Variants in PEX11A observed in about 807,000 individuals in gnomAD.
The protein encoded by PEX11A is peroxisomal membrane protein 11A.
PEX11A carries 13 observed loss-of-function variants against 14.4 expected under a neutral mutation model. That is an observed-to-expected ratio of 0.90 (90% CI 0.59 to 1.43). The LOEUF is 1.43. Ranked by LOEUF, PEX11A falls within the 40% of genes most tolerant of loss-of-function variation. The probability of loss-of-function intolerance (pLI) is 0.00; values close to 1 mark genes in which losing one functional copy is unlikely to be tolerated. For synonymous variants in PEX11A, 101 were observed against 113.0 expected (o/e 0.89, Z 0.67); for missense variants, 290 against 302.8 (o/e 0.96, Z 0.31).
rs138063810 is a variant in PEX11A, at chr15:89,688,423, C to T, written c.57-1877G>A. On this transcript the variant is annotated intron_variant, in intron 1 of 2. Coordinates refer to ENST00000300056, the MANE Select transcript of PEX11A (RefSeq NM_003847.3). The stretch of plus-strand genomic sequence containing the variant: ...ATTATTATTTTTCGAGACAGAGTCT[C>T]GCTCTGTTGCCCAGGCTGGAGGGTA... 6.7e-3 allele frequency among the ~76,000 whole-genome samples: 1,019 copies of T among 152,284 alleles called. 3 individuals carry two copies. Among genetic ancestry groups the T allele is most frequent in the Non-Finnish European group, 9.3e-3 (630 of 68,030 alleles).
rs1964780028 is a variant in PEX11A, at chr15:89,689,979, A to G, written c.56+598T>C. ...AACCCCCGTCTCTACTAAAAATACA[A>G]AAAGTAGCCGGGCGTGGTAGTGCAC... On this transcript the variant is annotated intron_variant, in intron 1 of 2. Transcript: ENST00000300056. Among the ~76,000 whole-genome samples the G allele has an allele frequency of 2.6e-5, 4 of 152,234 alleles. 1 individual carries two copies. The highest frequency in any genetic ancestry group is 2.0e-4 in the Admixed American group (3 of 15,286).
chr15:89,684,205 A>G (rs962138037), intron 2 of PEX11A, among the ~76,000 whole-genome samples: 5 of 152,174 alleles, frequency 3.3e-5, no homozygotes, highest in African/African-American at 7.2e-5. Context: ...CCAGCTTAGC[A>G]CTGGTCTTTT....
At chr15:89,684,590 C>G (rs1964650084) in intron 2 of PEX11A, among the ~76,000 whole-genome samples, 1 of 152,090 alleles carries the variant, frequency 6.6e-6, no homozygotes, top group Admixed American at 6.5e-5. Context: ...TGGTCCAAAC[C>G]CCTTTTGGCT....
Position 89,681,862 on chromosome 15 carries a change from C to T in PEX11A, c.*1515G>A. The stretch of plus-strand genomic sequence containing the variant: ...TCCTACCTGCTGGCATCCTATTTCT[C>T]TACCTCACCTCCCTCAAACTAAAGG... On this transcript the variant is annotated 3_prime_UTR_variant, in exon 3 of 3. Coordinates refer to ENST00000300056, the MANE Select transcript of PEX11A (RefSeq NM_003847.3). The T allele has an allele frequency of 4.0e-6, 1 of 248,484 alleles. No homozygotes were observed. Among genetic ancestry groups the T allele is most frequent in the Non-Finnish European group, 7.8e-6 (1 of 127,620 alleles). The allele number at this position is 248,484 out of a possible 1,614,324, so 15.4% of individuals were successfully genotyped here.
intron 1 of PEX11A, chr15:89,687,867 T>C (rs1414775792): frequency 1.2e-5 from 5 of 417,432 alleles, no homozygotes; most frequent in African/African-American, 1.0e-4. Context: ...TACTTTTATT[T>C]ATTTATTTTT....
intron 1 of PEX11A, among the ~76,000 whole-genome samples, chr15:89,687,081 G>A (rs778859261): frequency 2.9e-4 from 44 of 151,978 alleles, no homozygotes; most frequent in Admixed American, 5.2e-4. Context: ...GTGCCACCAC[G>A]CCCAGCTAAT....
At chr15:89,689,765 C>G (rs1964770137) in intron 1 of PEX11A, among the ~76,000 whole-genome samples, 1 of 152,152 alleles carries the variant, frequency 6.6e-6, no homozygotes, top group Admixed American at 6.5e-5. Flanking sequence ...AAAACTATTC[C>G]ACATGCAGTA....
In PEX11A at chr15:89,683,791, G is replaced by T. The variant is rs570633607; in HGVS notation, c.330C>A (p.Leu110=). The change falls in exon 3 of 3, where the codon CTC becomes CTA. Residue 110 remains leucine, a synonymous_variant. Coordinates refer to ENST00000300056, the MANE Select transcript of PEX11A (RefSeq NM_003847.3). ...ATTTCTCTTTGTTGATGCCAGAGGT[G>T]AGACCTACGCTCCTCACCCAGAGGA... ...DTILWVRSVG[L]TSGINKEKWR... 1 of 1,614,188 alleles carries T rather than the reference G, an allele frequency of 6.2e-7. No homozygotes were observed. The highest frequency in any genetic ancestry group is 1.3e-5 in the African/African-American group (1 of 75,058).
chr15:89,690,507 G>A, intron 1 of PEX11A, 70 bp downstream of exon 1: 1 of 1,178,668 alleles, frequency 8.5e-7, no homozygotes, highest in Non-Finnish European at 1.2e-6. Flanking sequence ...TTTTTCCCGG[G>A]TGCAGGGGAA....
chr15:89,689,193 G>T (rs1412458806), intron 1 of PEX11A, among the ~76,000 whole-genome samples: 1 of 151,590 alleles, frequency 6.6e-6, no homozygotes, highest in African/African-American at 2.4e-5. Flanking sequence ...TAGTTAAGTG[G>T]GCACTGGAGT....
rs890306567 is a variant in PEX11A, at chr15:89,683,616, C to T, written c.505G>A (p.Val169Met). 8.7e-6 allele frequency: 14 copies of T among 1,613,966 alleles called. 1 individual carries two copies. Among genetic ancestry groups the T allele is most frequent in the Admixed American group, 1.7e-5 (1 of 60,004 alleles). ...AGCCATTCTGTTTCCTCCTCAGCCA[C>T]GCTGAACCAAAGAGGATCCTGGGAT... ...SASQDPLWFS[V>M]AEEETEWLQS... Residue 169 changes from valine (V) to methionine (M), a missense_variant, in exon 3 of 3, where the codon GTG becomes ATG. By Grantham distance (21) the Val-to-Met change is conservative. Transcript: ENST00000300056.
intron 2 of PEX11A, among the ~76,000 whole-genome samples, chr15:89,685,544 C>T (rs905816593): frequency 6.6e-6 from 1 of 151,940 alleles, no homozygotes; most frequent in Non-Finnish European, 1.5e-5. Context: ...CAATGATCCT[C>T]CCATACAATG....
At position 89,682,909 on chromosome 15, in the gene PEX11A, T is replaced by C. The variant is rs1166822769; in HGVS notation, c.*468A>G. On this transcript the variant is annotated 3_prime_UTR_variant, in exon 3 of 3. Coordinates refer to ENST00000300056, the MANE Select transcript of PEX11A (RefSeq NM_003847.3). ...CAAGTTGAGAGGCTGTAAGCCCAGCTCTCCTCCATCCTGCTACTGACATCA... is the reference window on the plus strand; with the variant it reads ...CAAGTTGAGAGGCTGTAAGCCCAGCCCTCCTCCATCCTGCTACTGACATCA... 2 of 160,078 alleles carry C rather than the reference T, an allele frequency of 1.2e-5. No individual in the cohort carries two copies. Among genetic ancestry groups the C allele is most frequent in the Non-Finnish European group, 2.7e-5 (2 of 73,246 alleles). The allele number at this position is 160,078 out of a possible 1,614,324, so 9.9% of individuals were successfully genotyped here. A position where few individuals can be genotyped will look rare whatever the true frequency, so the allele number is the denominator to read the frequency against.
chr15:89,688,460 T>C (rs1021167470), intron 1 of PEX11A, among the ~76,000 whole-genome samples: 8 of 152,116 alleles, frequency 5.3e-5, no homozygotes, highest in Admixed American at 6.6e-5. Context: ...TGGTGCGTTC[T>C]TGGCTCTCTG....
chr15:89,684,056 G>A, intron 2 of PEX11A, 108 bp from the exon 3 acceptor site: 1 of 775,648 alleles, frequency 1.3e-6, no homozygotes, highest in Non-Finnish European at 2.1e-6. Flanking sequence ...TTTTTGTTGA[G>A]ACAGGGTCTT....
At position 89,686,141 on chromosome 15, in the gene PEX11A, T is replaced by C. The variant is rs530457461; in HGVS notation, c.172+290A>G. Among the ~76,000 whole-genome samples, 227 of 152,350 alleles carry C rather than the reference T, an allele frequency of 1.5e-3. No individual in the cohort carries two copies. The highest frequency in any genetic ancestry group is 3.4e-3 in the Middle Eastern group (1 of 294). On this transcript the variant is annotated intron_variant, in intron 2 of 2. Coordinates refer to ENST00000300056, the MANE Select transcript of PEX11A (RefSeq NM_003847.3). ...CATGTCAGAGACTGCTAAAACATACTATGATTCTAAGAACTAAAGGTGAAC... is the reference window on the plus strand; with the variant it reads ...CATGTCAGAGACTGCTAAAACATACCATGATTCTAAGAACTAAAGGTGAAC...
chr15:89,688,803 C>T (rs757800073), intron 1 of PEX11A, among the ~76,000 whole-genome samples: 3 of 151,848 alleles, frequency 2.0e-5, no homozygotes, highest in African/African-American at 7.3e-5. Context: ...GCAAGCTTTG[C>T]CTCCTGGGCT....
At chr15:89,687,815 A>G in intron 1 of PEX11A, 1 of 294,212 alleles carries the variant, frequency 3.4e-6, no homozygotes, top group South Asian at 3.3e-5. Flanking sequence ...TGCCTTTCTG[A>G]GCTTTGGTCT....
In PEX11A at chr15:89,683,812, G is replaced by A. The variant is rs1331747491; in HGVS notation, c.309C>T (p.Leu103=). The A allele has an allele frequency of 1.2e-6, 2 of 1,614,070 alleles. No homozygotes were observed. Among genetic ancestry groups the A allele is most frequent in the East Asian group, 2.2e-5 (1 of 44,898 alleles). The change falls in exon 3 of 3, where the codon CTC becomes CTT. Residue 103 remains leucine (L), a synonymous_variant. Coordinates refer to ENST00000300056, the MANE Select transcript of PEX11A (RefSeq NM_003847.3). ...RVIYFICDTI[L]WVRSVGLTSG... ...AGGTGAGACCTACGCTCCTCACCCA[G>A]AGGATGGTGTCACAGATGAAATAAA...
Sources: allele counts gnomAD v4.1 joint callset (sites outside exome capture counted in the v4.1 genomes callset), GRCh38; gene constraint gnomAD v4.1.1; transcripts MANE v1.5; gene names NCBI Gene and HGNC (gene_info 2026-07-23, HGNC 2026-07-21).